FBXO10: variants seen among roughly 807,000 people sequenced by gnomAD.
FBXO10 encodes F-box protein 10, also known as F-box only protein 10.
FBXO10 carries 39 observed loss-of-function variants against 80.7 expected under a neutral mutation model. The ratio of observed to expected loss-of-function variants is 0.48; its 90% CI spans 0.37 to 0.63. FBXO10 has a LOEUF of 0.63. Ranked by LOEUF, FBXO10 falls within the 30% of genes least tolerant of loss-of-function variation. The probability of loss-of-function intolerance (pLI) is 0.00; values close to 1 mark genes in which losing one functional copy is unlikely to be tolerated. For missense variants in FBXO10, 1,025 were observed against 1,269.0 expected (o/e 0.81, Z 2.92); for synonymous variants, 449 against 489.6 (o/e 0.92, Z 1.09).
At position 37,571,714 on chromosome 9, in the gene FBXO10, CATATATATATATATAT is replaced by C. The variant is rs71494672; in HGVS notation, c.-7+4481_-7+4496del. Reference sequence around the variant, plus strand: ...CCATTTAAGAGGGTGAAAAGAGAGCCATATATATATATATATATATATATATATATATATTTCCTTA... The same window carrying C: ...CCATTTAAGAGGGTGAAAAGAGAGCCATATATATATATATATATTTCCTTA... On this transcript the variant is annotated intron_variant, in intron 1 of 10. Coordinates refer to ENST00000432825, the MANE Select transcript of FBXO10 (RefSeq NM_012166.3). 1.4e-3 allele frequency among the ~76,000 whole-genome samples: 127 copies of C among 93,150 alleles called. 4 individuals are homozygous for C. Among genetic ancestry groups the C allele is most frequent in the African/African-American group, 5.8e-3 (107 of 18,554 alleles). The allele number at this position is 93,150 out of a possible 152,430, so 61.1% of individuals were successfully genotyped here.
At chr9:37,525,612 C>G (rs1201415249) in intron 5 of FBXO10, among the ~76,000 whole-genome samples, 1 of 151,942 alleles carries the variant, frequency 6.6e-6, no homozygotes, top group Non-Finnish European at 1.5e-5. Context: ...TGCAGTGGCA[C>G]AATCTCAGCT....
chr9:37,541,397 G>C lies in FBXO10; in HGVS notation c.372C>G (p.Ala124=). The change falls in exon 2 of 11, where the codon GCC becomes GCG. Residue 124 remains alanine (A), a synonymous_variant. Transcript: ENST00000432825. ...PGREFDSLGS[A]LAMASLYDRI... ...GGTCATACAGGCTGGCCATGGCCAA[G>C]GCACTGCCCAGGCTGTCAAACTCAC... 2 of 1,614,050 alleles carry C rather than the reference G, an allele frequency of 1.2e-6. No homozygotes were observed. The highest frequency in any genetic ancestry group is 2.7e-5 in the African/African-American group (2 of 75,074).
intron 1 of FBXO10, among the ~76,000 whole-genome samples, chr9:37,552,382 T>G (rs1246894520): frequency 2.0e-5 from 3 of 152,228 alleles, no homozygotes; most frequent in African/African-American, 7.2e-5. Context: ...CTGACTAATC[T>G]GTAAAGAACA....
At chr9:37,527,225 C>T (rs900610669) in intron 5 of FBXO10, among the ~76,000 whole-genome samples, 6 of 152,176 alleles carry the variant, frequency 3.9e-5, no homozygotes, top group Non-Finnish European at 7.3e-5. Flanking sequence ...CTGTATCATC[C>T]AAAATAACCT....
At chr9:37,547,278 C>T (rs1822080293) in intron 1 of FBXO10, among the ~76,000 whole-genome samples, 2 of 152,058 alleles carry the variant, frequency 1.3e-5, no homozygotes, top group African/African-American at 4.8e-5. Flanking sequence ...TAGACAAGAA[C>T]ATGTATGAAC....
chr9:37,544,476 A>G (rs779297733), intron 1 of FBXO10, among the ~76,000 whole-genome samples: 7 of 152,116 alleles, frequency 4.6e-5, no homozygotes, highest in Non-Finnish European at 1.0e-4. Context: ...CCTTCATCAA[A>G]TTGTTGACCT....
intron 1 of FBXO10, among the ~76,000 whole-genome samples, chr9:37,546,142 T>TA (rs369669726): frequency 2.2e-4 from 31 of 141,132 alleles, no homozygotes; most frequent in Non-Finnish European, 2.6e-4. Flanking sequence ...AAACTCCATC[T>TA]AAAAAAAAAA....
chr9:37,559,435 C>G (rs551573580), intron 1 of FBXO10, among the ~76,000 whole-genome samples: 5 of 152,288 alleles, frequency 3.3e-5, no homozygotes, highest in African/African-American at 1.2e-4. Context: ...TGCAGGTGAC[C>G]TTGAACAAGT....
At chr9:37,525,304 T>C (rs1821442912) in intron 5 of FBXO10, 132 bp from the exon 6 acceptor site, 1 of 811,568 alleles carries the variant, frequency 1.2e-6, no homozygotes, top group Non-Finnish European at 2.0e-6. Flanking sequence ...TGTGGTGGTG[T>C]GCACCTGTAG....
intron 1 of FBXO10, among the ~76,000 whole-genome samples, chr9:37,575,177 C>T (rs978201700): frequency 3.9e-5 from 6 of 152,116 alleles, no homozygotes; most frequent in Admixed American, 1.3e-4. Flanking sequence ...TTTTCTCTCC[C>T]CTCAGAGGGA....
chr9:37,574,518 G>A (rs186436814), intron 1 of FBXO10, among the ~76,000 whole-genome samples: 8 of 152,282 alleles, frequency 5.3e-5, no homozygotes, highest in Non-Finnish European at 7.4e-5. Context: ...GAAAGACAAA[G>A]AAATCCAAGT....
intron 9 of FBXO10, 72 bp downstream of exon 9, chr9:37,518,053 A>G: frequency 6.9e-7 from 1 of 1,451,240 alleles, no homozygotes; most frequent in South Asian, 1.3e-5. Flanking sequence ...TTCTCAGCAG[A>G]GGCCACGAGG....
chr9:37,544,652 G>A (rs1323890905), intron 1 of FBXO10, among the ~76,000 whole-genome samples: 1 of 152,128 alleles, frequency 6.6e-6, no homozygotes, highest in Non-Finnish European at 1.5e-5. Context: ...TTGTACTGGA[G>A]CCCAGATGAG....
At chr9:37,530,267 G>A (rs1821585101) in intron 4 of FBXO10, among the ~76,000 whole-genome samples, 1 of 152,196 alleles carries the variant, frequency 6.6e-6, no homozygotes, top group Admixed American at 6.5e-5. Context: ...AGTGTTTCGT[G>A]TGCAAACTCT....
chr9:37,554,947 CAATACTT>C (rs1822299165), intron 1 of FBXO10, among the ~76,000 whole-genome samples: 1 of 152,118 alleles, frequency 6.6e-6, no homozygotes, highest in Non-Finnish European at 1.5e-5. Flanking sequence ...TTTCTTGAGT[CAATACTT>C]AGGAGTGGAA....
intron 9 of FBXO10, among the ~76,000 whole-genome samples, chr9:37,516,439 G>GC (rs1390760180): frequency 6.6e-6 from 1 of 152,164 alleles, no homozygotes; most frequent in Non-Finnish European, 1.5e-5. Context: ...CCCTTCCTCT[G>GC]CTCCCACAGT....
At chr9:37,571,629 C>A (rs1822757942) in intron 1 of FBXO10, among the ~76,000 whole-genome samples, 1 of 149,408 alleles carries the variant, frequency 6.7e-6, no homozygotes, top group African/African-American at 2.5e-5. Flanking sequence ...CCCACAGTCT[C>A]ACTTGAACAA....
chr9:37,524,405 G>A (rs1821417762), intron 6 of FBXO10, among the ~76,000 whole-genome samples: 2 of 152,294 alleles, frequency 1.3e-5, no homozygotes, highest in South Asian at 4.2e-4. Context: ...TGCTGCACTT[G>A]TAGCTCCTGG....
chr9:37,569,589 T>C (rs552876989), intron 1 of FBXO10, among the ~76,000 whole-genome samples: 1 of 152,288 alleles, frequency 6.6e-6, no homozygotes, highest in South Asian at 2.1e-4. Flanking sequence ...AGAATACATT[T>C]TACTTTCAAA....
Sources: allele counts gnomAD v4.1 joint callset (sites outside exome capture counted in the v4.1 genomes callset), GRCh38; gene constraint gnomAD v4.1.1; transcripts MANE v1.5; gene names NCBI Gene and HGNC (gene_info 2026-07-23, HGNC 2026-07-21).